The following MYO16 variants were observed in gnomAD, a reference collection of about 807,000 sequenced individuals.
The protein encoded by MYO16 is unconventional myosin-XVI.
In MYO16, 94 loss-of-function variants were observed where a neutral mutation model predicts 205.3. That is an observed-to-expected ratio of 0.46 (90% CI 0.39 to 0.54). MYO16 has a LOEUF of 0.54. MYO16 is among the 20% of genes least tolerant of loss of function. The probability of loss-of-function intolerance (pLI) is 0.00; values close to 1 mark genes in which losing one functional copy is unlikely to be tolerated. For synonymous variants in MYO16, 988 were observed against 954.0 expected, an observed-to-expected ratio of 1.04 and a Z score of -0.66; for missense variants, 2,315 against 2,387.5, an observed-to-expected ratio of 0.97 and a Z score of 0.63.
At position 109,109,827 on chromosome 13, in the gene MYO16, A is replaced by C. The variant is rs157015; in HGVS notation, c.3438+8940A>C. Among the ~76,000 whole-genome samples, 1,499 of 152,338 alleles carry C rather than the reference A, an allele frequency of 9.8e-3. 34 individuals carry two copies. The highest frequency in any genetic ancestry group is 0.035 in the African/African-American group (1,447 of 41,566). On this transcript the variant is annotated intron_variant, in intron 28 of 34. Transcript: ENST00000457511. Reference sequence around the variant, plus strand: ...AAATTAGATGGGATTCTCAAAGCAAACGTGAGCACACCACAGGACAGACAT... The same window carrying C: ...AAATTAGATGGGATTCTCAAAGCAACCGTGAGCACACCACAGGACAGACAT...
intron 3 of MYO16, among the ~76,000 whole-genome samples, chr13:108,714,936 A>G (rs981784165): frequency 1.8e-4 from 28 of 152,214 alleles, no homozygotes; most frequent in African/African-American, 6.0e-4. Flanking sequence ...TTCTGGGTAC[A>G]CAGCTTTCTT....
chr13:109,113,833 C>A (rs1030343301), intron 28 of MYO16, among the ~76,000 whole-genome samples: 2 of 152,080 alleles, frequency 1.3e-5, no homozygotes, highest in Non-Finnish European at 2.9e-5. Context: ...GTAGATGGTC[C>A]TTTTGGTCAC....
At chr13:108,898,351 A>ACTGT (rs150046022) in intron 15 of MYO16, among the ~76,000 whole-genome samples, 32 of 144,994 alleles carry the variant, frequency 2.2e-4, no homozygotes, top group African/African-American at 7.9e-4. Context: ...AGGGTGTGTG[A>ACTGT]GTGTGTGTGT....
At position 108,911,062 on chromosome 13, in the gene MYO16, C is replaced by CAG. The variant is rs763782934; in HGVS notation, c.1925+913_1925+914insGA. ...ACACACACACACACACACACACACA[C>CAG]ACACAGAGAGAGAGAAGGGTTGCTT... On this transcript the variant is annotated intron_variant, in intron 16 of 34. Coordinates refer to ENST00000457511, the MANE Select transcript of MYO16 (RefSeq NM_001198950.3). Among the ~76,000 whole-genome samples, 126 of 114,676 alleles carry CAG rather than the reference C, an allele frequency of 1.1e-3. 2 individuals are homozygous for CAG. The South Asian group carries it at 0.028, about 25-fold the overall frequency. 75.2% of individuals were successfully genotyped at this position (114,676 alleles called of 152,430 possible). A position where few individuals can be genotyped will look rare whatever the true frequency, so the allele number is the denominator to read the frequency against.
At chr13:109,193,406 T>C (rs552298862) in intron 34 of MYO16, among the ~76,000 whole-genome samples, 177 of 152,316 alleles carry the variant, frequency 1.2e-3, no homozygotes, top group Non-Finnish European at 2.2e-3. Context: ...ATGGATCCCA[T>C]TGATTTGCTA....
Position 109,141,364 on chromosome 13 carries a change from A to C in MYO16, c.5152A>C (p.Arg1718=). The part of the protein sequence containing the change: ...LRKSAAGRKI[R]EAEGFETNMN... ...GAAATCCGCGGCGGGAAGAAAAATC[A>C]GGGAAGCAGAAGGTAAGCGGAGCAG... Residue 1718 remains arginine, a synonymous_variant, in exon 32 of 35, where the codon AGG becomes CGG. Coordinates refer to ENST00000457511, the MANE Select transcript of MYO16 (RefSeq NM_001198950.3). The surrounding 1 kb of genome is among the most constrained non-coding windows in gnomAD (Gnocchi z 4.1). The C allele has an allele frequency of 1.3e-6, 2 of 1,532,004 alleles. No individual in the cohort carries two copies. 94.9% of individuals were successfully genotyped at this position (1,532,004 alleles called of 1,614,324 possible). A position where few individuals can be genotyped will look rare whatever the true frequency, so the allele number is the denominator to read the frequency against.
chr13:108,829,241 G>T (rs1010657762), intron 9 of MYO16, among the ~76,000 whole-genome samples: 3 of 152,186 alleles, frequency 2.0e-5, no homozygotes, highest in African/African-American at 7.2e-5. Flanking sequence ...TCTTAGGGTT[G>T]TTCTTCATAA....
At chr13:108,853,435 A>C (rs900206235) in intron 10 of MYO16, among the ~76,000 whole-genome samples, 2 of 152,140 alleles carry the variant, frequency 1.3e-5, no homozygotes, top group South Asian at 4.1e-4. Flanking sequence ...TTTTAGGAAA[A>C]CTATATTATA....
chr13:108,643,640 T>C (rs1880608855), intron 1 of MYO16, among the ~76,000 whole-genome samples: 1 of 152,338 alleles, frequency 6.6e-6, no homozygotes, highest in Non-Finnish European at 1.5e-5. Flanking sequence ...TTTATTCATT[T>C]TTATTGTTGA....
chr13:109,006,684 A>G lies in MYO16; in HGVS notation c.2443-2213A>G, dbSNP rs148528082. ...AATGTTTTATCAATTGTTTCCAGCT[A>G]TATAAATATTGATCTGTAATTATTT... is the stretch of plus-strand genomic sequence containing the variant. On this transcript the variant is annotated intron_variant, in intron 21 of 34. Transcript: ENST00000457511. Among the ~76,000 whole-genome samples, 234 of 152,334 alleles carry G rather than the reference A, an allele frequency of 1.5e-3. 2 individuals are homozygous for G. The East Asian group carries it at 0.041, about 27-fold the overall frequency.
chr13:109,160,517 G>A (rs1376574977), intron 32 of MYO16, among the ~76,000 whole-genome samples: 2 of 152,078 alleles, frequency 1.3e-5, no homozygotes, highest in African/African-American at 4.8e-5. Flanking sequence ...CACTGCAGGT[G>A]TCCAAACCAA....
intron 34 of MYO16, 95 bp from the exon 35 acceptor site, chr13:109,206,514 T>C: frequency 2.2e-6 from 2 of 927,710 alleles, no homozygotes; most frequent in Non-Finnish European, 3.4e-6. Flanking sequence ...TCAGCACCAG[T>C]CCTGCCCCTT....
intron 28 of MYO16, among the ~76,000 whole-genome samples, chr13:109,112,075 T>C (rs1348830485): frequency 6.6e-6 from 1 of 152,222 alleles, no homozygotes; most frequent in Non-Finnish European, 1.5e-5. Flanking sequence ...TTCATAAGAA[T>C]GCTATGGGCC....
intron 20 of MYO16, among the ~76,000 whole-genome samples, chr13:108,987,703 T>G (rs1884688088): frequency 6.6e-6 from 1 of 152,162 alleles, no homozygotes; most frequent in Middle Eastern, 3.2e-3. Flanking sequence ...TCTAACTCAG[T>G]CTAAGGGTTT....
chr13:109,145,158 C>T (rs562575340), intron 32 of MYO16, among the ~76,000 whole-genome samples: 1 of 152,294 alleles, frequency 6.6e-6, no homozygotes, highest in Non-Finnish European at 1.5e-5. Flanking sequence ...TTGTCTGAGT[C>T]ATCTAATTCT....
At chr13:108,560,446 A>G in the MYO16 span, among the ~76,000 whole-genome samples, 5 of 152,250 alleles carry the variant, frequency 3.3e-5, no homozygotes, top group African/African-American at 1.2e-4. Flanking sequence ...TAAAATAGAC[A>G]TTATAAATAT....
chr13:109,049,151 G>A (rs1164055088), intron 24 of MYO16, among the ~76,000 whole-genome samples: 1 of 150,064 alleles, frequency 6.7e-6, no homozygotes, highest in Admixed American at 6.7e-5. Flanking sequence ...CTCTTTACAG[G>A]TAGAAAGACC....
chr13:108,788,913 G>A (rs1020975216), intron 5 of MYO16, among the ~76,000 whole-genome samples: 12 of 151,994 alleles, frequency 7.9e-5, no homozygotes, highest in South Asian at 2.1e-4. Flanking sequence ...AATGCTTCCC[G>A]TGTCTGTCCA....
intron 9 of MYO16, among the ~76,000 whole-genome samples, chr13:108,825,394 C>T (rs1384340869): frequency 6.6e-6 from 1 of 151,668 alleles, no homozygotes; most frequent in Non-Finnish European, 1.5e-5. Context: ...ATTTTCTCAA[C>T]CTGATAAGGG....
Sources: gnomAD v4.1 joint callset for allele counts (sites outside exome capture counted in the v4.1 genomes callset) on GRCh38, gnomAD v4.1.1 for gene constraint, Gnocchi (gnomAD v3.1) non-coding constraint, MANE v1.5 for transcripts, NCBI Gene and HGNC (gene_info 2026-07-23, HGNC 2026-07-21) for gene names.